The following DAPK2 variants were observed in gnomAD, a reference collection of about 807,000 sequenced individuals.
DAPK2 encodes the protein death-associated protein kinase 2.
DAPK2 carries 35 observed loss-of-function variants against 44.1 expected under a neutral mutation model. The ratio of observed to expected loss-of-function variants is 0.79; its 90% confidence interval spans 0.61 to 1.05. The LOEUF (loss-of-function observed/expected upper bound fraction) is 1.05. DAPK2 is among the 50% of genes least tolerant of loss of function. DAPK2 has a pLI of 0.00. For synonymous variants in DAPK2, 174 were observed against 182.6 expected (o/e 0.95, Z 0.38); for missense variants, 453 against 483.2 (o/e 0.94, Z 0.59).
chr15:63,957,353 G>T (rs949762230), intron 3 of DAPK2, among the ~76,000 whole-genome samples: 4 of 151,256 alleles, frequency 2.6e-5, no homozygotes, highest in Non-Finnish European at 3.0e-5. Flanking sequence ...ATTGGGTCTG[G>T]TTTTTTCTTT....
intron 1 of DAPK2, among the ~76,000 whole-genome samples, chr15:64,029,241 G>A (rs1002470857): frequency 3.3e-5 from 5 of 151,866 alleles, no homozygotes; most frequent in East Asian, 3.9e-4. Flanking sequence ...TAACTCAAGC[G>A]TGTGCAATGC....
intron 1 of DAPK2, among the ~76,000 whole-genome samples, chr15:64,035,225 T>C (rs2080146142): frequency 6.6e-6 from 1 of 151,930 alleles, no homozygotes; most frequent in Admixed American, 6.6e-5. Flanking sequence ...AAACAAGGAA[T>C]CACTCTTCAT....
rs1355243237 is a variant in DAPK2 at position 64,033,321 on chromosome 15, GAAGGA to G, written c.92+6844_92+6848del. Reference sequence around the variant, plus strand: ...GGAAGGAAGGAAGGAAGGAAGGAAGGAAGGAAAAAAAAAATAGCTGCTGGGTTAAC... The same window carrying G: ...GGAAGGAAGGAAGGAAGGAAGGAAGGAAAAAAAAATAGCTGCTGGGTTAAC... On this transcript the variant is annotated intron_variant, in intron 1 of 10. Transcript: ENST00000261891. Among the ~76,000 whole-genome samples, 8 of 142,242 alleles carry G rather than the reference GAAGGA, an allele frequency of 5.6e-5. No individual in the cohort carries two copies. The South Asian group carries it at 1.1e-3, about 20-fold the overall frequency. The allele number at this position is 142,242 out of a possible 152,430, so 93.3% of individuals were successfully genotyped here. A position where few individuals can be genotyped will look rare whatever the true frequency, so the allele number is the denominator to read the frequency against.
At chr15:63,983,368 G>A (rs1448196098) in intron 2 of DAPK2, among the ~76,000 whole-genome samples, 165 bp downstream of exon 3, 1 of 152,326 alleles carries the variant, frequency 6.6e-6, no homozygotes, top group East Asian at 1.9e-4. Flanking sequence ...TAAGGAGGAA[G>A]GGGGTAACTG....
chr15:63,911,226 C>CAAAAAAAAAAAAAAA (rs33985538), intron 10 of DAPK2: 1 of 131,060 alleles, frequency 7.6e-6, no homozygotes, highest in East Asian at 2.3e-4. Flanking sequence ...TCTAAACAAA[C>CAAAAAAAAAAAAAAA]AAAAAAAAAA....
chr15:64,019,868 A>C (rs987226473), intron 1 of DAPK2, among the ~76,000 whole-genome samples: 25 of 152,324 alleles, frequency 1.6e-4, no homozygotes, highest in African/African-American at 5.5e-4. Context: ...GTATAACTAC[A>C]TCTTATCAGA....
chr15:63,924,318 C>T (rs1397316041), intron 8 of DAPK2, among the ~76,000 whole-genome samples: 1 of 152,160 alleles, frequency 6.6e-6, no homozygotes, highest in African/African-American at 2.4e-5. Flanking sequence ...TCTCTCTTCC[C>T]CACCAGGCCT....
upstream of DAPK2, chr15:64,040,331 A>C: frequency 7.7e-7 from 1 of 1,296,992 alleles, no homozygotes; most frequent in Non-Finnish European, 1.1e-6. Context: ...TAAGAGTCTA[A>C]GGCCTAAACG....
At chr15:64,004,713 C>T (rs1220463228) in intron 1 of DAPK2, among the ~76,000 whole-genome samples, 1 of 152,126 alleles carries the variant, frequency 6.6e-6, no homozygotes, top group East Asian at 1.9e-4. Context: ...GGTTTGGCAG[C>T]GGGCTTTCGC....
chr15:63,980,089 C>G lies in DAPK2; in HGVS notation c.314+3444G>C, dbSNP rs1276153430. On this transcript the variant is annotated intron_variant, in intron 2 of 10. Coordinates refer to ENST00000261891, the Ensembl canonical transcript of DAPK2. The surrounding 1 kb of genome is among the most constrained non-coding windows in gnomAD (Gnocchi z 4.3). ...AGGCACCCTGAGAACAATGAGACAG[C>G]TTGGAAGTGAAGGGGGAGACAGAAA... Among the ~76,000 whole-genome samples the G allele has an allele frequency of 1.3e-5, 2 of 152,096 alleles. No homozygotes were observed.
Position 63,912,147 on chromosome 15 carries a change from C to A in DAPK2, c.909G>T (p.Leu303=). 6.2e-7 allele frequency: 1 copy of A among 1,614,052 alleles called. No individual in the cohort carries two copies. Among genetic ancestry groups the A allele is most frequent in the Non-Finnish European group, 8.5e-7 (1 of 1,180,004 alleles). ...GGACATACTGCTTCCTGAAGTTCTC[C>A]AGATTGACCACAGACTCCCTGCGCA... is the stretch of plus-strand genomic sequence containing the variant. The change falls in exon 9 of 11, where the codon CTG becomes CTT. Residue 303 remains leucine (L), a synonymous_variant. Transcript: ENST00000261891. The surrounding 1 kb of genome is among the most constrained non-coding windows in gnomAD (Gnocchi z 4.4).
chr15:63,913,594 C>T (rs1691407083), intron 8 of DAPK2, among the ~76,000 whole-genome samples: 2 of 152,146 alleles, frequency 1.3e-5, no homozygotes, highest in South Asian at 4.1e-4. Flanking sequence ...GATTCCCAGG[C>T]GTGGGTCTTG....
intron 1 of DAPK2, among the ~76,000 whole-genome samples, chr15:64,024,345 G>A (rs2079774774): frequency 6.6e-6 from 1 of 152,196 alleles, no homozygotes; most frequent in Non-Finnish European, 1.5e-5. Flanking sequence ...GGGCATGGAG[G>A]AAGATGTGAG....
chr15:63,983,700 A>G (rs767077298), exon 2 of DAPK2: 10 of 1,613,638 alleles, frequency 6.2e-6, no homozygotes, highest in South Asian at 5.5e-5. Context: ...ACTTGGCTGC[A>G]TACTCAAGCC....
intron 1 of DAPK2, among the ~76,000 whole-genome samples, chr15:64,006,477 A>G (rs1298630183): frequency 6.6e-6 from 1 of 152,136 alleles, no homozygotes; most frequent in Non-Finnish European, 1.5e-5. Flanking sequence ...ATCGTCACCT[A>G]TATTAGACGC....
chr15:64,041,320 G>A (rs2080348533), upstream of DAPK2, among the ~76,000 whole-genome samples: 1 of 152,160 alleles, frequency 6.6e-6, no homozygotes, highest in Admixed American at 6.5e-5. Flanking sequence ...GTCCTCATCT[G>A]TAAAACTGAG....
At chr15:64,031,877 G>A (rs1191509048) in intron 1 of DAPK2, among the ~76,000 whole-genome samples, 2 of 152,206 alleles carry the variant, frequency 1.3e-5, no homozygotes, top group Admixed American at 1.3e-4. Flanking sequence ...TCCGGTAAAT[G>A]GAAGTAATTT....
At chr15:63,992,757 C>T (rs1057055276) in intron 1 of DAPK2, among the ~76,000 whole-genome samples, 3 of 152,162 alleles carry the variant, frequency 2.0e-5, no homozygotes, top group African/African-American at 7.2e-5. Context: ...GTCAAGGGAC[C>T]AGTCGGGCTC....
At chr15:63,986,012 C>T (rs1037850547) in intron 1 of DAPK2, among the ~76,000 whole-genome samples, 3 of 152,198 alleles carry the variant, frequency 2.0e-5, no homozygotes, top group East Asian at 1.9e-4. Context: ...ACTACGATGG[C>T]GCCAAATACC....
Sources: allele counts gnomAD v4.1 joint callset (sites outside exome capture counted in the v4.1 genomes callset), GRCh38; gene constraint gnomAD v4.1.1; non-coding constraint Gnocchi (gnomAD v3.1); transcripts MANE v1.5; gene names NCBI Gene and HGNC (gene_info 2026-07-23, HGNC 2026-07-21).